The following SEPTIN9 variants were observed in gnomAD, a reference collection of about 807,000 sequenced individuals.
SEPTIN9 encodes septin 9.
Under a neutral mutation model 56.6 loss-of-function variants are expected in SEPTIN9, and 13 were observed. The ratio of observed to expected loss-of-function variants is 0.23; its 90% CI spans 0.15 to 0.37. The LOEUF is 0.37. Ranked by LOEUF, SEPTIN9 falls within the 10% of genes least tolerant of loss-of-function variation. SEPTIN9 has a pLI of 1.00. For synonymous variants in SEPTIN9, 332 were observed against 334.1 expected (o/e 0.99, Z 0.07); for missense variants, 650 against 823.1 (o/e 0.79, Z 2.57).
At chr17:77,303,183 C>G (rs1362240036) in intron 1 of SEPTIN9, among the ~76,000 whole-genome samples, 1 of 151,404 alleles carries the variant, frequency 6.6e-6, no homozygotes, top group East Asian at 2.0e-4. Context: ...TCACTGCAAC[C>G]TCCGTCTCCT....
chr17:77,288,749 CTAA>C (rs1349933318), intron 1 of SEPTIN9, among the ~76,000 whole-genome samples: 2 of 152,194 alleles, frequency 1.3e-5, no homozygotes, highest in Admixed American at 1.3e-4. Flanking sequence ...GCAAAACCCA[CTAA>C]TAACAGGGAA....
intron 3 of SEPTIN9, among the ~76,000 whole-genome samples, chr17:77,403,997 C>T (rs765630581): frequency 6.6e-6 from 1 of 152,136 alleles, no homozygotes. Flanking sequence ...ATTTATTTGA[C>T]CACTCTAGGA....
rs1315287608 is a variant in SEPTIN9 at position 77,329,902 on chromosome 17, A to G, written c.76+22705A>G. On this transcript the variant is annotated intron_variant, in intron 2 of 11. Coordinates refer to ENST00000427177, the MANE Select transcript of SEPTIN9 (RefSeq NM_001113491.2). This position sits in a 1 kb window ranked among gnomAD's most constrained non-coding sequence, Gnocchi z 4.3. Reference sequence around the variant, plus strand: ...CATCCCTGGGAGGGGTGAGCAGGACAAGTGAGGTCTCCAGACTTGGGGTGG... The same window carrying G: ...CATCCCTGGGAGGGGTGAGCAGGACGAGTGAGGTCTCCAGACTTGGGGTGG... Among the ~76,000 whole-genome samples the G allele has an allele frequency of 6.6e-6, 1 of 152,168 alleles. No individual in the cohort carries two copies. The highest frequency in any genetic ancestry group is 2.4e-5 in the African/African-American group (1 of 41,448).
chr17:77,401,173 C>G (rs1238849775), intron 2 of SEPTIN9, among the ~76,000 whole-genome samples: 1 of 152,190 alleles, frequency 6.6e-6, no homozygotes, highest in African/African-American at 2.4e-5. Context: ...CCCATCTGTA[C>G]TGGGGGTACT....
intron 3 of SEPTIN9, among the ~76,000 whole-genome samples, chr17:77,420,265 A>G (rs899055391): frequency 1.8e-4 from 27 of 152,212 alleles, no homozygotes; most frequent in African/African-American, 6.3e-4. Context: ...CGGGCCGGAC[A>G]GCCCGGCTCA....
chr17:77,353,947 A>G (rs1256147247), intron 2 of SEPTIN9, among the ~76,000 whole-genome samples: 1 of 152,124 alleles, frequency 6.6e-6, no homozygotes, highest in Non-Finnish European at 1.5e-5. Flanking sequence ...CGAGGCAGGT[A>G]TAGTCCGTGA....
rs138189211 is a variant in SEPTIN9 at position 77,351,137 on chromosome 17, C to A, written c.76+43940C>A. Among the ~76,000 whole-genome samples the A allele has an allele frequency of 4.7e-4, 72 of 152,088 alleles. No homozygotes were observed. The East Asian group carries it at 9.1e-3, about 19-fold the overall frequency. On this transcript the variant is annotated intron_variant, in intron 2 of 11. Coordinates refer to ENST00000427177, the MANE Select transcript of SEPTIN9 (RefSeq NM_001113491.2). Reference sequence around the variant, plus strand: ...TCTCATTTTCCTTTTTTCTGGCTTACTAAGTGCCAGAAAGAATTTCCGTGA... The same window carrying A: ...TCTCATTTTCCTTTTTTCTGGCTTAATAAGTGCCAGAAAGAATTTCCGTGA...
chr17:77,424,360 G>C (rs975426720), intron 3 of SEPTIN9, among the ~76,000 whole-genome samples: 12 of 152,264 alleles, frequency 7.9e-5, no homozygotes, highest in African/African-American at 2.9e-4. Flanking sequence ...GCCACTGTTT[G>C]AGCCTCTGGT....
Position 77,453,677 on chromosome 17 carries a change from A to G in SEPTIN9, c.722-28467A>G, listed in dbSNP as rs1281084693. 1 of 151,326 alleles carries G rather than the reference A, an allele frequency of 6.6e-6. No individual in the cohort carries two copies. The highest frequency in any genetic ancestry group is 2.4e-5 in the African/African-American group (1 of 41,136). The allele number at this position is 151,326 out of a possible 1,614,324, so 9.4% of individuals were successfully genotyped here. ...GAACACTGGGTCCACTGTGCTCCAC[A>G]AGGACTTTCACCCCGGAAGCCCTAG... On this transcript the variant is annotated intron_variant, in intron 3 of 11. Coordinates refer to ENST00000427177, the MANE Select transcript of SEPTIN9 (RefSeq NM_001113491.2). The surrounding 1 kb of genome is among the most constrained non-coding windows in gnomAD (Gnocchi z 4.4).
chr17:77,331,520 G>C (rs2033357498), intron 2 of SEPTIN9, among the ~76,000 whole-genome samples: 1 of 152,246 alleles, frequency 6.6e-6, no homozygotes, highest in Admixed American at 6.5e-5. Context: ...CGCCCAGCCT[G>C]GGCAGGGAGG....
At chr17:77,465,064 A>G (rs978258584) in intron 3 of SEPTIN9, among the ~76,000 whole-genome samples, 1 of 152,092 alleles carries the variant, frequency 6.6e-6, no homozygotes, top group Non-Finnish European at 1.5e-5. Flanking sequence ...CACCTGTTCT[A>G]GATAGTTTGT....
chr17:77,386,716 G>A (rs74000225), intron 2 of SEPTIN9, among the ~76,000 whole-genome samples: 2,375 of 152,344 alleles, frequency 0.016, 64 homozygotes, highest in African/African-American at 0.055. Context: ...GCCCCAGGGG[G>A]CTGGGGGAAA....
At chr17:77,336,368 AT>A (rs2033554714) in intron 2 of SEPTIN9, among the ~76,000 whole-genome samples, 1 of 152,158 alleles carries the variant, frequency 6.6e-6, no homozygotes, top group African/African-American at 2.4e-5. Flanking sequence ...TAGATGGTAT[AT>A]CTCCGTTTTA....
At chr17:77,403,214 T>C (rs1481150484) in intron 3 of SEPTIN9, among the ~76,000 whole-genome samples, 1 of 152,110 alleles carries the variant, frequency 6.6e-6, no homozygotes, top group Non-Finnish European at 1.5e-5. Flanking sequence ...GACGTATGCC[T>C]CCTGAGGCTT....
intron 1 of SEPTIN9, among the ~76,000 whole-genome samples, chr17:77,288,902 C>T (rs117972165): frequency 2.6e-5 from 4 of 152,052 alleles, no homozygotes; most frequent in Non-Finnish European, 5.9e-5. Context: ...CACCGAGGGG[C>T]GGGGAGGAGG....
At chr17:77,441,651 C>T (rs986052577) in intron 3 of SEPTIN9, among the ~76,000 whole-genome samples, 5 of 152,228 alleles carry the variant, frequency 3.3e-5, no homozygotes, top group African/African-American at 4.8e-5. Flanking sequence ...CATTTAGCCA[C>T]GGAAGAGGTC....
At chr17:77,328,120 G>A (rs2033216059) in intron 2 of SEPTIN9, among the ~76,000 whole-genome samples, 1 of 144,232 alleles carries the variant, frequency 6.9e-6, no homozygotes, top group Admixed American at 6.9e-5. Flanking sequence ...TACCCAGGGT[G>A]TCCCCGTTCC....
At chr17:77,460,950 T>A (rs2038445406) in intron 3 of SEPTIN9, among the ~76,000 whole-genome samples, 1 of 152,220 alleles carries the variant, frequency 6.6e-6, no homozygotes, top group African/African-American at 2.4e-5. Context: ...CCTTCTTTAT[T>A]TAAAAGGGTC....
At chr17:77,409,736 C>G (rs976347865) in intron 3 of SEPTIN9, among the ~76,000 whole-genome samples, 4 of 152,184 alleles carry the variant, frequency 2.6e-5, no homozygotes, top group South Asian at 4.1e-4. Context: ...GGACAGCTGC[C>G]GGGATTGAGG....
Sources: allele counts gnomAD v4.1 joint callset (sites outside exome capture counted in the v4.1 genomes callset), GRCh38; gene constraint gnomAD v4.1.1; non-coding constraint Gnocchi (gnomAD v3.1); transcripts MANE v1.5; gene names NCBI Gene and HGNC (gene_info 2026-07-23, HGNC 2026-07-21).